The following CEP128 variants were observed in gnomAD, a reference collection of about 807,000 sequenced individuals.
CEP128 encodes centrosomal protein 128, also known as centrosomal protein 128kDa.
A neutral mutation model predicts 156.7 loss-of-function variants in CEP128; 132 were observed. The ratio of observed to expected loss-of-function variants is 0.84; its 90% CI spans 0.73 to 0.97. The LOEUF is 0.97. Among genes scored for constraint, CEP128 ranks in the 50% least tolerant of loss-of-function variants. The pLI, the probability that CEP128 is intolerant of heterozygous loss-of-function variation, is 0.00. For missense variants in CEP128, 1,252 were observed against 1,281.9 expected (o/e 0.98, Z 0.36); for synonymous variants, 469 against 448.9 (o/e 1.04, Z -0.57).
At chr14:80,543,900 G>A (rs149315383) in intron 21 of CEP128, among the ~76,000 whole-genome samples, 14 of 152,228 alleles carry the variant, frequency 9.2e-5, no homozygotes, top group Non-Finnish European at 1.5e-4. Flanking sequence ...AGACACATTA[G>A]TAACTAAAAG....
chr14:80,743,301 A>C, intron 18 of CEP128, 34 bp from the exon 19 acceptor site: 1 of 1,422,700 alleles, frequency 7.0e-7, no homozygotes, highest in Non-Finnish European at 9.8e-7. Context: ...ATGGTTAAAG[A>C]AACTCAGAAA....
At chr14:80,587,580 C>A (rs1891872975) in intron 19 of CEP128, among the ~76,000 whole-genome samples, 1 of 152,120 alleles carries the variant, frequency 6.6e-6, no homozygotes, top group Admixed American at 6.5e-5. Flanking sequence ...TAATAATCTA[C>A]CCCATTCCAC....
At chr14:80,785,842 GCAAA>G (rs1416379625) in intron 14 of CEP128, among the ~76,000 whole-genome samples, 1 of 152,026 alleles carries the variant, frequency 6.6e-6, no homozygotes, top group African/African-American at 2.4e-5. Context: ...ATAAAATTGA[GCAAA>G]CAAATGGGGA....
chr14:80,845,894 T>C (rs890748935), intron 9 of CEP128, among the ~76,000 whole-genome samples: 4 of 152,078 alleles, frequency 2.6e-5, no homozygotes, highest in African/African-American at 4.8e-5. Context: ...ACTGAAAACA[T>C]AGATAGAAAC....
intron 6 of CEP128, among the ~76,000 whole-genome samples, chr14:80,901,031 C>G (rs1474375375): frequency 2.0e-5 from 3 of 151,810 alleles, no homozygotes; most frequent in Non-Finnish European, 4.4e-5. Context: ...ACGGTGAAAC[C>G]CCGTCTCTAC....
At chr14:80,484,374 C>G (rs1157411054) in intron 14 of CEP128, among the ~76,000 whole-genome samples, 1 of 152,140 alleles carries the variant, frequency 6.6e-6, no homozygotes, top group Non-Finnish European at 1.5e-5. Context: ...GATGATTTAC[C>G]TTGGTCAGAC....
chr14:80,876,822 G>A (rs1232575290), intron 8 of CEP128, among the ~76,000 whole-genome samples: 5 of 152,120 alleles, frequency 3.3e-5, no homozygotes, highest in East Asian at 3.9e-4. Context: ...AATTCTAGAC[G>A]GGATACTTTC....
At chr14:80,822,502 C>G (rs327452) in intron 13 of CEP128, 375,673 of 619,476 alleles carry the variant, frequency 0.61, 116,069 homozygotes, top group East Asian at 0.78. Context: ...CCCGCGTCCA[C>G]CACCTACATC....
At chr14:80,578,681 T>G (rs1428009856) in intron 20 of CEP128, among the ~76,000 whole-genome samples, 1 of 152,200 alleles carries the variant, frequency 6.6e-6, no homozygotes, top group Non-Finnish European at 1.5e-5. Context: ...AATAGTATTC[T>G]TCAAACTATC....
At chr14:80,672,969 A>C (rs1042625140) in intron 19 of CEP128, among the ~76,000 whole-genome samples, 1 of 152,194 alleles carries the variant, frequency 6.6e-6, no homozygotes, top group African/African-American at 2.4e-5. Flanking sequence ...TTAAGGTTTC[A>C]AACTTTTGTC....
At chr14:80,686,544 T>C (rs1896530031) in intron 19 of CEP128, among the ~76,000 whole-genome samples, 1 of 152,150 alleles carries the variant, frequency 6.6e-6, no homozygotes, top group Non-Finnish European at 1.5e-5. Flanking sequence ...CCAGTTAGCA[T>C]CATGATGATA....
intron 19 of CEP128, among the ~76,000 whole-genome samples, chr14:80,697,283 A>T (rs550994688): frequency 7.2e-5 from 11 of 152,260 alleles, no homozygotes; most frequent in African/African-American, 2.6e-4. Context: ...TCCATGAATT[A>T]AAACTATAAT....
intron 8 of CEP128, among the ~76,000 whole-genome samples, chr14:80,881,885 C>A (rs1028049316): frequency 3.3e-5 from 5 of 152,080 alleles, no homozygotes; most frequent in African/African-American, 1.2e-4. Flanking sequence ...AAGCCATATA[C>A]AACAGACTCA....
chr14:80,678,240 G>A (rs1896170656), intron 19 of CEP128, among the ~76,000 whole-genome samples: 1 of 151,454 alleles, frequency 6.6e-6, no homozygotes, highest in South Asian at 2.1e-4. Flanking sequence ...CTTACATGTA[G>A]CCATTGGGGA....
chr14:80,851,536 T>A (rs1191844076), intron 9 of CEP128, among the ~76,000 whole-genome samples: 2 of 151,170 alleles, frequency 1.3e-5, no homozygotes, highest in African/African-American at 4.9e-5. Flanking sequence ...AGAACAGCTA[T>A]CAAAAGAACA....
At chr14:80,634,030 C>T (rs1046106014) in intron 19 of CEP128, among the ~76,000 whole-genome samples, 5 of 152,110 alleles carry the variant, frequency 3.3e-5, no homozygotes, top group South Asian at 2.1e-4. Context: ...CAATTTCCCA[C>T]GACTGGAAAG....
At chr14:80,550,507 GCCA>G (rs1292022987) in intron 21 of CEP128, among the ~76,000 whole-genome samples, 1 of 151,864 alleles carries the variant, frequency 6.6e-6, no homozygotes, top group Non-Finnish European at 1.5e-5. Context: ...GTAATTTGTT[GCCA>G]CCATTTATCC....
intron 13 of CEP128, among the ~76,000 whole-genome samples, chr14:80,826,288 T>A (rs887181398): frequency 6.6e-6 from 1 of 152,072 alleles, no homozygotes; most frequent in East Asian, 1.9e-4. Flanking sequence ...TTGTGGCCAA[T>A]GTTTGTTTTC....
intron 8 of CEP128, among the ~76,000 whole-genome samples, chr14:80,888,149 C>T (rs1270606662): frequency 6.6e-6 from 1 of 152,020 alleles, no homozygotes; most frequent in Non-Finnish European, 1.5e-5. Flanking sequence ...AGCCTACCAA[C>T]CAAAAAAAGC....
Sources: allele counts gnomAD v4.1 joint callset (sites outside exome capture counted in the v4.1 genomes callset), GRCh38; gene constraint gnomAD v4.1.1; transcripts MANE v1.5; gene names NCBI Gene and HGNC (gene_info 2026-07-23, HGNC 2026-07-21).